Variants in CDKAL1 observed in about 807,000 individuals in gnomAD.
The protein encoded by CDKAL1 is CDKAL1 threonylcarbamoyladenosine tRNA methylthiotransferase.
CDKAL1 carries 32 observed loss-of-function variants against 68.2 expected under a neutral mutation model. The observed-to-expected ratio is 0.47, with a 90% CI of 0.35 to 0.63. The LOEUF (loss-of-function observed/expected upper bound fraction) is 0.63, where lower values mean the gene tolerates loss of function less well. Ranked by LOEUF, CDKAL1 falls within the 30% of genes least tolerant of loss-of-function variation. The pLI is 0.00. For missense variants in CDKAL1, 606 were observed against 696.7 expected (o/e 0.87, Z 1.47); for synonymous variants, 234 against 244.3 (o/e 0.96, Z 0.39).
chr6:20,921,447 CCAAA>C (rs1762953685), intron 9 of CDKAL1, among the ~76,000 whole-genome samples: 1 of 152,074 alleles, frequency 6.6e-6, no homozygotes, highest in Non-Finnish European at 1.5e-5. Flanking sequence ...AATAAATAAA[CCAAA>C]CAAACAAATG....
intron 4 of CDKAL1, among the ~76,000 whole-genome samples, chr6:20,622,462 A>G (rs1234975477): frequency 1.3e-5 from 2 of 152,142 alleles, no homozygotes; most frequent in Non-Finnish European, 2.9e-5. Flanking sequence ...TTGGATGGAT[A>G]TATTAGACAA....
intron 8 of CDKAL1, among the ~76,000 whole-genome samples, chr6:20,828,657 A>T (rs1490335564): frequency 6.6e-6 from 1 of 152,168 alleles, no homozygotes; most frequent in Non-Finnish European, 1.5e-5. Context: ...AACTTTTATG[A>T]TAGATTAGCA....
At chr6:20,760,277 G>A (rs2150351256) in intron 7 of CDKAL1, among the ~76,000 whole-genome samples, 1 of 152,160 alleles carries the variant, frequency 6.6e-6, no homozygotes, top group East Asian at 1.9e-4. Flanking sequence ...GCCATGCTTG[G>A]CCCTTAATCT....
intron 15 of CDKAL1, among the ~76,000 whole-genome samples, chr6:21,227,900 G>A (rs1192210830): frequency 6.6e-6 from 1 of 152,196 alleles, no homozygotes; most frequent in East Asian, 1.9e-4. Flanking sequence ...AAGTCAAAGA[G>A]TTTTGCTTTT....
At chr6:20,591,995 A>G (rs1264126434) in intron 4 of CDKAL1, among the ~76,000 whole-genome samples, 1 of 152,190 alleles carries the variant, frequency 6.6e-6, no homozygotes, top group Non-Finnish European at 1.5e-5. Context: ...GATTCTTCCT[A>G]TCCATGAGCA....
chr6:20,870,126 C>T (rs75800907), intron 9 of CDKAL1, among the ~76,000 whole-genome samples: 2,531 of 152,224 alleles, frequency 0.017, 67 homozygotes, highest in African/African-American at 0.058. Flanking sequence ...AAAACCTATT[C>T]GCTTCTTCCA....
intron 9 of CDKAL1, among the ~76,000 whole-genome samples, chr6:20,851,173 T>G (rs865809533): frequency 6.6e-6 from 1 of 152,214 alleles, no homozygotes; most frequent in South Asian, 2.1e-4. Context: ...TTGTGAAACC[T>G]TCCTTCTCAC....
chr6:20,912,923 A>G (rs1257294674), intron 9 of CDKAL1, among the ~76,000 whole-genome samples: 1 of 152,112 alleles, frequency 6.6e-6, no homozygotes, highest in Non-Finnish European at 1.5e-5. Flanking sequence ...CAATATGTAC[A>G]TATCTAAAAG....
At chr6:21,020,512 G>C (rs1768589047) in intron 11 of CDKAL1, among the ~76,000 whole-genome samples, 1 of 151,974 alleles carries the variant, frequency 6.6e-6, no homozygotes, top group African/African-American at 2.4e-5. Flanking sequence ...TTATTGTCCA[G>C]GCTGGAGTGC....
intron 5 of CDKAL1, among the ~76,000 whole-genome samples, chr6:20,728,603 G>T (rs1414833150): frequency 1.3e-5 from 2 of 152,156 alleles, no homozygotes; most frequent in African/African-American, 4.8e-5. Flanking sequence ...ATGATTTCCA[G>T]TAATGACACT....
intron 11 of CDKAL1, among the ~76,000 whole-genome samples, chr6:21,028,866 T>C (rs896615107): frequency 3.9e-5 from 6 of 152,196 alleles, no homozygotes; most frequent in Admixed American, 6.5e-5. Flanking sequence ...TTGTCTAAGA[T>C]GGAAATCATA....
chr6:20,539,641 C>T lies in CDKAL1; in HGVS notation c.-6+4247C>T, dbSNP rs12198728. On this transcript the variant is annotated intron_variant, in intron 2 of 15. Transcript: ENST00000274695. This position sits in a 1 kb window ranked among gnomAD's most constrained non-coding sequence, Gnocchi z 4.3. ...GAAATGAATGCATATCTAGTGGGTA[C>T]GAAATAACAAAGCCTGCATGACTGA... is the stretch of plus-strand genomic sequence containing the variant. 0.071 allele frequency among the ~76,000 whole-genome samples: 10,771 copies of T among 151,780 alleles called. 435 individuals are homozygous for T. Among genetic ancestry groups the T allele is most frequent in the African/African-American group, 0.11 (4,395 of 41,366 alleles).
rs554641474 is a variant in CDKAL1, at chr6:20,922,038, G to A, written c.743-33381G>A. ...GGTCCTGGGCTGTCTTCTTAAAAGC[G>A]CAGAATGATTTGAATAAAGTGTAGT... On this transcript the variant is annotated intron_variant, in intron 9 of 15. Transcript: ENST00000274695. Among the ~76,000 whole-genome samples, 6 of 152,248 alleles carry A rather than the reference G, an allele frequency of 3.9e-5. 1 individual carries two copies. In the South Asian group the frequency reaches 1.2e-3, roughly 32 times the overall value.
intron 5 of CDKAL1, among the ~76,000 whole-genome samples, chr6:20,663,845 A>C (rs944266097): frequency 1.3e-5 from 2 of 152,170 alleles, no homozygotes; most frequent in Non-Finnish European, 2.9e-5. Flanking sequence ...GTTGAAGGAC[A>C]GTTAAACTCA....
rs1217551910 is a variant in CDKAL1, at chr6:21,231,207, T to C, written c.*168T>C. Reference sequence around the variant, plus strand: ...AGGCTCCCCCTGTCTCACATTGAGTTGGGCCCATTGGTTATTTGACCTAAA... The same window carrying C: ...AGGCTCCCCCTGTCTCACATTGAGTCGGGCCCATTGGTTATTTGACCTAAA... On this transcript the variant is annotated 3_prime_UTR_variant, in exon 16 of 16. Transcript: ENST00000274695. 1.5e-5 allele frequency: 7 copies of C among 474,160 alleles called. No homozygotes were observed. The allele number at this position is 474,160 out of a possible 1,614,324, so 29.4% of individuals were successfully genotyped here.
chr6:20,616,165 G>T (rs1766889110), intron 4 of CDKAL1, among the ~76,000 whole-genome samples: 3 of 151,922 alleles, frequency 2.0e-5, no homozygotes, highest in Admixed American at 2.0e-4. Flanking sequence ...CTAGTACCAT[G>T]CTGTTTTGGT....
At chr6:20,780,100 A>G (rs1209274038) in intron 7 of CDKAL1, among the ~76,000 whole-genome samples, 1 of 125,316 alleles carries the variant, frequency 8.0e-6, no homozygotes, top group Non-Finnish European at 1.6e-5. Context: ...ACCTAACCTT[A>G]AAAAAAAAAA....
intron 5 of CDKAL1, among the ~76,000 whole-genome samples, chr6:20,693,238 C>G (rs1171106871): frequency 6.6e-6 from 1 of 151,312 alleles, no homozygotes; most frequent in Non-Finnish European, 1.5e-5. Flanking sequence ...TCTAAGAAGG[C>G]CTCTCACTTT....
chr6:21,173,478 A>G (rs1777469858), intron 13 of CDKAL1, among the ~76,000 whole-genome samples: 1 of 152,182 alleles, frequency 6.6e-6, no homozygotes, highest in Non-Finnish European at 1.5e-5. Flanking sequence ...TCATTTGTTC[A>G]AGAAGTTTGA....
Sources: gnomAD v4.1 joint callset for allele counts (sites outside exome capture counted in the v4.1 genomes callset) on GRCh38, gnomAD v4.1.1 for gene constraint, Gnocchi (gnomAD v3.1) non-coding constraint, MANE v1.5 for transcripts, NCBI Gene and HGNC (gene_info 2026-07-23, HGNC 2026-07-21) for gene names.